The following DCAF6 variants were observed in gnomAD, a reference collection of about 807,000 sequenced individuals.
The protein encoded by DCAF6 is DDB1 and CUL4 associated factor 6.
Under a neutral mutation model 125.1 loss-of-function variants are expected in DCAF6, and 54 were observed. The observed-to-expected ratio is 0.43, with a 90% CI of 0.35 to 0.54. The LOEUF is 0.54. Ranked by LOEUF, DCAF6 falls within the 20% of genes least tolerant of loss-of-function variation. The probability of loss-of-function intolerance (pLI) is 0.01; values close to 1 mark genes in which losing one functional copy is unlikely to be tolerated. For synonymous variants in DCAF6, 371 were observed against 390.4 expected (o/e 0.95, Z 0.58); for missense variants, 934 against 1,161.7 (o/e 0.80, Z 2.85).
At chr1:167,890,608 T>TG in the DCAF6 span, among the ~76,000 whole-genome samples, 152,309 of 152,312 alleles carry the variant, frequency 1, 76,153 homozygotes, top group Non-Finnish European at 1. Context: ...AATCAGCAGG[T>TG]GCAAAGCCAG....
the DCAF6 span, chr1:167,904,740 A>C: frequency 3.3e-6 from 2 of 614,366 alleles, no homozygotes; most frequent in East Asian, 5.5e-5. Context: ...TGGGGCAGAG[A>C]TACTGGAGCA....
At chr1:167,942,696 C>T (rs1470822507) in intron 1 of DCAF6, among the ~76,000 whole-genome samples, 1 of 151,846 alleles carries the variant, frequency 6.6e-6, no homozygotes, top group East Asian at 1.9e-4. Context: ...TGAACAATTT[C>T]GAGTTAAGTT....
chr1:167,987,884 G>A (rs1680236665), intron 5 of DCAF6, among the ~76,000 whole-genome samples: 1 of 151,796 alleles, frequency 6.6e-6, no homozygotes. Context: ...CAAATAATTT[G>A]TTCAGTATAT....
chr1:167,894,225 G>T, the DCAF6 span, among the ~76,000 whole-genome samples: 11 of 152,198 alleles, frequency 7.2e-5, no homozygotes, highest in African/African-American at 2.7e-4. Flanking sequence ...TCTGAACTTG[G>T]TTTAGAACTA....
chr1:167,886,187 G>T, the DCAF6 span, among the ~76,000 whole-genome samples: 26 of 152,074 alleles, frequency 1.7e-4, no homozygotes, highest in Non-Finnish European at 3.2e-4. Flanking sequence ...CACAGAATTG[G>T]AAAAATCTAC....
At chr1:168,043,539 T>G (rs1030067398) in intron 14 of DCAF6, among the ~76,000 whole-genome samples, 1 of 152,162 alleles carries the variant, frequency 6.6e-6, no homozygotes, top group African/African-American at 2.4e-5. Flanking sequence ...GTGAATCTAT[T>G]TAATACCTGA....
At chr1:167,943,401 G>T (rs541012265) in intron 1 of DCAF6, among the ~76,000 whole-genome samples, 2 of 152,222 alleles carry the variant, frequency 1.3e-5, no homozygotes, top group East Asian at 3.9e-4. Flanking sequence ...GTTCTGGTTT[G>T]TCTCCGTGTA....
rs537799619 is a variant in DCAF6, at chr1:167,947,983, A to G, written c.98-3817A>G. ...AAGTGGGGTGTTGAATTTTCACACT[A>G]TTGTGTTGCAGTGTATCTCTTTCTT... On this transcript the variant is annotated intron_variant, in intron 1 of 21. Transcript: ENST00000367840. 8.5e-5 allele frequency among the ~76,000 whole-genome samples: 13 copies of G among 152,216 alleles called. No homozygotes were observed. In the South Asian group the frequency reaches 2.5e-3, roughly 29 times the overall value.
intron 3 of DCAF6, among the ~76,000 whole-genome samples, chr1:167,967,606 A>G (rs943208050): frequency 4.6e-5 from 7 of 152,222 alleles, no homozygotes; most frequent in Admixed American, 1.3e-4. Flanking sequence ...TAAACATTCA[A>G]CACATCATTT....
chr1:167,982,760 CTA>C (rs1465922964), intron 4 of DCAF6, among the ~76,000 whole-genome samples: 4 of 152,076 alleles, frequency 2.6e-5, no homozygotes, highest in Admixed American at 6.6e-5. Flanking sequence ...ATGGCGTTTC[CTA>C]TATTTTCTTT....
chr1:168,054,957 C>T (rs1315934387), intron 17 of DCAF6, among the ~76,000 whole-genome samples: 2 of 151,974 alleles, frequency 1.3e-5, no homozygotes, highest in African/African-American at 4.8e-5. Flanking sequence ...GCTGGGGCTA[C>T]AGGCATGTGC....
chr1:167,888,401 A>C, the DCAF6 span, among the ~76,000 whole-genome samples: 1 of 152,046 alleles, frequency 6.6e-6, no homozygotes, highest in Non-Finnish European at 1.5e-5. Flanking sequence ...TAAGCATGGA[A>C]TATCTTTCAT....
In DCAF6 at chr1:167,974,947, A is replaced by C; in HGVS notation, c.370A>C (p.Asn124His). Residue 124 changes from asparagine to histidine, a missense_variant, in exon 4 of 22, where the codon AAC becomes CAC. Transcript: ENST00000367840. Reference protein sequence around the residue: ...CSGDGVIFYTNVEQDAETNRQ... With the variant: ...CSGDGVIFYTHVEQDAETNRQ... ...TGGAGATGGAGTAATATTTTATACCAACGTTGAGCAAGATGCAGAAACCAA... is the reference window on the plus strand; with the variant it reads ...TGGAGATGGAGTAATATTTTATACCCACGTTGAGCAAGATGCAGAAACCAA... 3.1e-6 allele frequency: 5 copies of C among 1,609,288 alleles called. No homozygotes were observed. The highest frequency in any genetic ancestry group is 4.2e-6 in the Non-Finnish European group (5 of 1,177,874).
Position 168,039,365 on chromosome 1 carries a change from TTTTC to T in DCAF6, c.1727+881_1727+884del, listed in dbSNP as rs199835245. ...AATTGATTATTAGTAAGGTTGAACT[TTTTC>T]TTTATTTAATGGTCATATAGCTTCT... On this transcript the variant is annotated intron_variant, in intron 13 of 21. Transcript: ENST00000367840. 2.6e-5 allele frequency among the ~76,000 whole-genome samples: 4 copies of T among 151,600 alleles called. No individual in the cohort carries two copies. In the East Asian group the frequency reaches 7.7e-4, roughly 29 times the overall value.
At position 167,941,602 on chromosome 1, in the gene DCAF6, A is replaced by C. The variant is rs1050123886; in HGVS notation, c.97+4594A>C. The stretch of plus-strand genomic sequence containing the variant: ...CATATTGTTACAACTGTTGGTGTTG[A>C]ACTGGTAGAGTACGCACTAATGAGT... On this transcript the variant is annotated intron_variant, in intron 1 of 21. Transcript: ENST00000367840. Among the ~76,000 whole-genome samples, 5 of 152,114 alleles carry C rather than the reference A, an allele frequency of 3.3e-5. No homozygotes were observed. The East Asian group carries it at 9.6e-4, about 29-fold the overall frequency.
intron 18 of DCAF6, among the ~76,000 whole-genome samples, chr1:168,064,340 A>G (rs1404721444): frequency 2.6e-5 from 4 of 152,122 alleles, no homozygotes; most frequent in Non-Finnish European, 5.9e-5. Flanking sequence ...TTAATAAGAA[A>G]AGTTTTTGAG....
At chr1:167,924,512 A>G in the DCAF6 span, 1 of 1,587,280 alleles carries the variant, frequency 6.3e-7, no homozygotes, top group Non-Finnish European at 8.6e-7. Context: ...TCATAATTGG[A>G]GCCCAGAAGA....
chr1:168,019,661 G>A (rs755789290), intron 11 of DCAF6: 2 of 249,138 alleles, frequency 8.0e-6, no homozygotes, highest in African/African-American at 2.3e-5. Flanking sequence ...AGCCTAGAGA[G>A]GGTCAGGTAG....
intron 17 of DCAF6, among the ~76,000 whole-genome samples, chr1:168,058,209 AT>A (rs1209851021): frequency 6.6e-6 from 1 of 152,170 alleles, no homozygotes; most frequent in Non-Finnish European, 1.5e-5. Flanking sequence ...ACCACAGTTT[AT>A]CCATTTTCCT....
Sources: allele counts gnomAD v4.1 joint callset (sites outside exome capture counted in the v4.1 genomes callset), GRCh38; gene constraint gnomAD v4.1.1; transcripts MANE v1.5; gene names NCBI Gene and HGNC (gene_info 2026-07-23, HGNC 2026-07-21).